VPS45: variants seen among roughly 807,000 people sequenced by gnomAD.
VPS45 encodes vacuolar protein sorting 45 homolog, also known as vacuolar protein sorting-associated protein 45.
VPS45 carries 35 observed loss-of-function variants against 75.9 expected under a neutral mutation model. The ratio of observed to expected loss-of-function variants is 0.46; its 90% CI spans 0.35 to 0.61. VPS45 has a LOEUF of 0.61. VPS45 is among the 20% of genes least tolerant of loss of function. The pLI is 0.00. For synonymous variants in VPS45, 220 were observed against 238.2 expected, an observed-to-expected ratio of 0.92 and a Z score of 0.70; for missense variants, 559 against 685.9, an observed-to-expected ratio of 0.81 and a Z score of 2.07.
intron 13 of VPS45, among the ~76,000 whole-genome samples, chr1:150,097,738 C>T (rs587640935): frequency 4.9e-4 from 74 of 151,234 alleles, no homozygotes; most frequent in Middle Eastern, 3.4e-3. Flanking sequence ...CAAAACAAAA[C>T]AAAAAAAGTG....
In VPS45 at chr1:150,077,727, T is replaced by G. The variant is rs782633611; in HGVS notation, c.635T>G (p.Leu212Trp). The G allele has an allele frequency of 6.2e-7, 1 of 1,614,112 alleles. No individual in the cohort carries two copies. The highest frequency in any genetic ancestry group is 2.2e-5 in the East Asian group (1 of 44,872). ...FEFRRTEVPP[L>W]LLILDRCDDA... ...TTCCGTCGGACAGAGGTTCCTCCAT[T>G]GCTCCTTATTTTAGATCGCTGTGAT... The change falls in exon 7 of 15, where the codon TTG becomes TGG. Residue 212 changes from leucine (L) to tryptophan (W), a missense_variant. Leu to Trp is a moderately conservative substitution (Grantham distance 61, BLOSUM62 -2). Coordinates refer to ENST00000644510, the MANE Select transcript of VPS45 (RefSeq NM_007259.5).
At chr1:150,097,073 T>G (rs1656693879) in intron 13 of VPS45, among the ~76,000 whole-genome samples, 1 of 144,248 alleles carries the variant, frequency 6.9e-6, no homozygotes, top group African/African-American at 2.6e-5. Context: ...AAAAGCAGGA[T>G]GTTGTAACAT....
At chr1:150,070,553 G>A (rs1330739843) in intron 2 of VPS45, among the ~76,000 whole-genome samples, 1 of 151,818 alleles carries the variant, frequency 6.6e-6, no homozygotes, top group Non-Finnish European at 1.5e-5. Flanking sequence ...AGCACTTTGG[G>A]AGGCCAAGGC....
chr1:150,088,690 G>A (rs1656160327), intron 10 of VPS45, among the ~76,000 whole-genome samples: 1 of 151,728 alleles, frequency 6.6e-6, no homozygotes, highest in Admixed American at 6.6e-5. Flanking sequence ...TGTTGTCCAG[G>A]CTGGTCCCCA....
intron 2 of VPS45, among the ~76,000 whole-genome samples, chr1:150,069,692 A>C (rs587685260): frequency 6.6e-6 from 1 of 151,960 alleles, no homozygotes; most frequent in Non-Finnish European, 1.5e-5. Flanking sequence ...TCCTGACCTC[A>C]TGATCCGCCC....
chr1:150,098,304 G>T (rs1398738617), intron 13 of VPS45, among the ~76,000 whole-genome samples: 3 of 152,030 alleles, frequency 2.0e-5, no homozygotes, highest in Non-Finnish European at 4.4e-5. Flanking sequence ...TTAATCTTTG[G>T]GGTTTTCACA....
intron 7 of VPS45, 121 bp from the exon 8 acceptor site, chr1:150,081,221 C>T (rs587643427): frequency 5.8e-5 from 58 of 992,458 alleles, no homozygotes; most frequent in Non-Finnish European, 7.3e-5. Flanking sequence ...AAATTTAACT[C>T]GAGAATCTTC....
chr1:150,104,151 G>T (rs1383768508), intron 13 of VPS45, among the ~76,000 whole-genome samples: 1 of 151,996 alleles, frequency 6.6e-6, no homozygotes, highest in African/African-American at 2.4e-5. Flanking sequence ...TAACTATCTG[G>T]GTAATTTTTC....
At chr1:150,141,416 G>A (rs1342930278) in intron 14 of VPS45, among the ~76,000 whole-genome samples, 1 of 152,122 alleles carries the variant, frequency 6.6e-6, no homozygotes, top group Non-Finnish European at 1.5e-5. Context: ...CATAGTTTTT[G>A]TTACAGTATG....
intron 10 of VPS45, among the ~76,000 whole-genome samples, chr1:150,086,840 G>C (rs902367463): frequency 6.6e-6 from 1 of 152,016 alleles, no homozygotes; most frequent in Admixed American, 6.6e-5. Flanking sequence ...TGTCAGATCA[G>C]CATGTGGAAG....
chr1:150,082,707 C>G lies in VPS45; in HGVS notation c.937-9C>G. On this transcript the variant is annotated splice_polypyrimidine_tract_variant and intron_variant, in intron 9 of 14. Transcript: ENST00000644510. ...ACAGAACCTCCCATTGATGTTTTTC[C>G]CATGGCAGGCGTTTGTTGAGAATTA... The G allele has an allele frequency of 6.2e-7, 1 of 1,608,674 alleles. No individual in the cohort carries two copies. The highest frequency in any genetic ancestry group is 8.5e-7 in the Non-Finnish European group (1 of 1,177,130).
At chr1:150,124,366 G>C (rs1321456678) in intron 14 of VPS45, among the ~76,000 whole-genome samples, 2 of 151,936 alleles carry the variant, frequency 1.3e-5, no homozygotes, top group Non-Finnish European at 2.9e-5. Context: ...GGCTAAGGCA[G>C]AAGAATTGCT....
chr1:150,128,199 G>A (rs1452646110), intron 14 of VPS45, among the ~76,000 whole-genome samples: 2 of 151,866 alleles, frequency 1.3e-5, no homozygotes, highest in African/African-American at 4.8e-5. Context: ...CTACTCGGGA[G>A]GCTAAGATGG....
intron 13 of VPS45, 45 bp downstream of exon 13, chr1:150,093,693 C>A (rs781837305): frequency 1.7e-5 from 27 of 1,582,870 alleles, no homozygotes; most frequent in Non-Finnish European, 2.0e-5. Context: ...AAATACTGAA[C>A]AAACAGAAAA....
chr1:150,076,243 T>C lies in VPS45; in HGVS notation c.300T>C (p.Asn100=), dbSNP rs1248383755. The change falls in exon 4 of 15, where the codon AAT becomes AAC. Residue 100 remains asparagine (N), a synonymous_variant. Transcript: ENST00000644510. ...ACTCATGTGTTTCAGATTTCAGTAA[T>C]GTGATCAGCAAGAGTGACGTGAAGT... The part of the protein sequence containing the change: ...KYTIYFIYFS[N]VISKSDVKSL... 6.2e-7 allele frequency: 1 copy of C among 1,603,750 alleles called. No homozygotes were observed. The highest frequency in any genetic ancestry group is 2.3e-5 in the East Asian group (1 of 44,402).
chr1:150,081,286 GTTTACTATTTCCATATTCTGTCAGTTACC>G, intron 7 of VPS45, 27 bp from the exon 8 acceptor site: 2 of 1,510,022 alleles, frequency 1.3e-6, no homozygotes, highest in South Asian at 2.5e-5. Context: ...TTTCCTGAAC[GTTTACTATTTCCATATTCTGTCAGTTACC>G]TTTTTTTTTC....
rs1481699258 is a variant in VPS45 at position 150,082,575 on chromosome 1, A to T, written c.937-141A>T. 4 of 1,047,090 alleles carry T rather than the reference A, an allele frequency of 3.8e-6. No homozygotes were observed. In the African/African-American group the frequency reaches 6.5e-5, roughly 17 times the overall value. 64.9% of individuals were successfully genotyped at this position (1,047,090 alleles called of 1,614,324 possible). On this transcript the variant is annotated intron_variant, in intron 9 of 14. Coordinates refer to ENST00000644510, the MANE Select transcript of VPS45 (RefSeq NM_007259.5). Reference sequence around the variant, plus strand: ...CAGTTCTTCTCTTCTTAAGCATAACAAAATGCCATGTGGCTGAAAGTTGTA... The same window carrying T: ...CAGTTCTTCTCTTCTTAAGCATAACTAAATGCCATGTGGCTGAAAGTTGTA...
At chr1:150,075,505 A>G (rs1278958606) in intron 3 of VPS45, among the ~76,000 whole-genome samples, 2 of 152,122 alleles carry the variant, frequency 1.3e-5, no homozygotes, top group Non-Finnish European at 2.9e-5. Context: ...TTCTTTTGAT[A>G]TTAGTAGCTG....
rs587735123 is a variant in VPS45 at position 150,133,426 on chromosome 1, C to T, written c.1626-11283C>T. Among the ~76,000 whole-genome samples the T allele has an allele frequency of 7.9e-5, 12 of 152,136 alleles. No individual in the cohort carries two copies. In the East Asian group the frequency reaches 1.7e-3, roughly 22 times the overall value. Reference sequence around the variant, plus strand: ...AAAATTAGCCGGGCGTGGTGGTGGGCGCCTGTAATCCCAGCTGTTCGGGAG... The same window carrying T: ...AAAATTAGCCGGGCGTGGTGGTGGGTGCCTGTAATCCCAGCTGTTCGGGAG... On this transcript the variant is annotated intron_variant, in intron 14 of 14. Transcript: ENST00000644510.
Sources: allele counts gnomAD v4.1 joint callset (sites outside exome capture counted in the v4.1 genomes callset), GRCh38; gene constraint gnomAD v4.1.1; transcripts MANE v1.5; gene names NCBI Gene and HGNC (gene_info 2026-07-23, HGNC 2026-07-21).